The following NOX4 variants were observed in gnomAD, a reference collection of about 807,000 sequenced individuals.
The protein encoded by NOX4 is NADPH oxidase 4, also known as kidney oxidase-1.
NOX4 carries 69 observed loss-of-function variants against 87.6 expected under a neutral mutation model. The observed-to-expected ratio is 0.79, with a 90% confidence interval of 0.65 to 0.96. The LOEUF (loss-of-function observed/expected upper bound fraction) is 0.96, where lower values mean the gene tolerates loss of function less well. Among genes scored for constraint, NOX4 ranks in the 40% least tolerant of loss-of-function variants. The pLI is 0.00. For synonymous variants in NOX4, 275 were observed against 238.2 expected (o/e 1.15, Z -1.42); for missense variants, 680 against 681.5 (o/e 1.00, Z 0.02).
At chr11:89,367,368 G>A (rs548994348) in intron 12 of NOX4, among the ~76,000 whole-genome samples, 10 of 152,038 alleles carry the variant, frequency 6.6e-5, no homozygotes, top group African/African-American at 2.4e-4. Context: ...TTTAGCAATA[G>A]GCCCATTTGC....
At chr11:89,550,966 T>C in the NOX4 span, among the ~76,000 whole-genome samples, 1,104 of 152,286 alleles carry the variant, frequency 7.2e-3, 15 homozygotes, top group African/African-American at 0.024. Context: ...TTGTATAAGG[T>C]ATAAAGAAGG....
chr11:89,424,009 G>A (rs1259670930), intron 7 of NOX4, among the ~76,000 whole-genome samples: 2 of 152,002 alleles, frequency 1.3e-5, no homozygotes, highest in African/African-American at 4.8e-5. Flanking sequence ...CAAGGTTGCG[G>A]CTGCATTGAG....
the NOX4 span, among the ~76,000 whole-genome samples, chr11:89,504,141 G>A: frequency 6.6e-6 from 1 of 151,802 alleles, no homozygotes; most frequent in East Asian, 1.9e-4. Context: ...AGGAGGAGTG[G>A]TAGCAGAAGG....
At chr11:89,472,757 G>A (rs10830276) in intron 2 of NOX4, among the ~76,000 whole-genome samples, 14,018 of 152,214 alleles carry the variant, frequency 0.092, 807 homozygotes, top group South Asian at 0.2. Context: ...CTCTGTGCCT[G>A]TCTGGCAAAG....
chr11:89,444,348 C>A, intron 4 of NOX4, 116 bp from the exon 5 acceptor site: 10 of 732,004 alleles, frequency 1.4e-5, no homozygotes, highest in East Asian at 2.8e-5. Context: ...GCTATGTGGA[C>A]AATGAAATAT....
intron 17 of NOX4, among the ~76,000 whole-genome samples, chr11:89,335,249 C>T (rs1945651632): frequency 6.6e-6 from 1 of 151,718 alleles, no homozygotes; most frequent in Admixed American, 6.6e-5. Context: ...CTGGTCTGTG[C>T]CCTGAAATGG....
At chr11:89,489,887 A>T (rs542990361) in intron 2 of NOX4, among the ~76,000 whole-genome samples, 1 of 152,292 alleles carries the variant, frequency 6.6e-6, no homozygotes, top group South Asian at 2.1e-4. Context: ...AGAAAGAAAA[A>T]TATTAACATA....
At chr11:89,582,704 G>C in the NOX4 span, among the ~76,000 whole-genome samples, 1 of 152,206 alleles carries the variant, frequency 6.6e-6, no homozygotes, top group Non-Finnish European at 1.5e-5. Flanking sequence ...CCTGCTTAAA[G>C]TTTAACGTTG....
chr11:89,581,940 G>A, the NOX4 span, among the ~76,000 whole-genome samples: 1 of 151,908 alleles, frequency 6.6e-6, no homozygotes, highest in African/African-American at 2.4e-5. Context: ...TTAACCACAG[G>A]CCATACACTG....
the NOX4 span, among the ~76,000 whole-genome samples, chr11:89,511,673 C>A: frequency 1.3e-5 from 2 of 151,898 alleles, no homozygotes; most frequent in East Asian, 1.9e-4. Context: ...ACTCTTGAAG[C>A]CAAAGTGGAA....
At chr11:89,488,779 C>A in intron 2 of NOX4, 1 of 457,464 alleles carries the variant, frequency 2.2e-6, no homozygotes, top group South Asian at 5.1e-5. Context: ...GAAAAACGTC[C>A]TATTCATTAA....
the NOX4 span, among the ~76,000 whole-genome samples, chr11:89,570,268 C>T: frequency 6.6e-6 from 1 of 152,114 alleles, no homozygotes; most frequent in Non-Finnish European, 1.5e-5. Context: ...AAACCAAACA[C>T]CACATGTTCT....
chr11:89,551,166 A>G, the NOX4 span, among the ~76,000 whole-genome samples: 1 of 152,118 alleles, frequency 6.6e-6, no homozygotes, highest in Non-Finnish European at 1.5e-5. Flanking sequence ...TACCCATACC[A>G]TTCTGTTTTG....
chr11:89,371,949 T>C (rs1040881229), intron 12 of NOX4, among the ~76,000 whole-genome samples: 2 of 151,966 alleles, frequency 1.3e-5, no homozygotes, highest in African/African-American at 4.8e-5. Context: ...AATTCCAAGC[T>C]GGCTACCCTT....
upstream of NOX4, among the ~76,000 whole-genome samples, chr11:89,502,773 C>A (rs1947036001): frequency 6.6e-6 from 1 of 152,046 alleles, no homozygotes; most frequent in Non-Finnish European, 1.5e-5. Context: ...ATTGATAATT[C>A]AGGGAATATA....
At chr11:89,382,945 C>T (rs1940404117) in intron 11 of NOX4, among the ~76,000 whole-genome samples, 1 of 152,094 alleles carries the variant, frequency 6.6e-6, no homozygotes, top group East Asian at 1.9e-4. Context: ...CATTTGGCCA[C>T]AATTCTTAGA....
chr11:89,545,209 T>C, the NOX4 span: 20 of 152,294 alleles, frequency 1.3e-4, no homozygotes, highest in African/African-American at 4.8e-4. Flanking sequence ...TATCAGATGC[T>C]AGGCATTTAG....
At chr11:89,404,497 T>C (rs1942056696) in intron 8 of NOX4, among the ~76,000 whole-genome samples, 1 of 152,166 alleles carries the variant, frequency 6.6e-6, no homozygotes, top group Non-Finnish European at 1.5e-5. Flanking sequence ...GGTAGTGTTT[T>C]AATAATAGCT....
intron 8 of NOX4, among the ~76,000 whole-genome samples, chr11:89,403,107 T>C (rs1308872463): frequency 6.6e-6 from 1 of 152,142 alleles, no homozygotes; most frequent in Non-Finnish European, 1.5e-5. Flanking sequence ...TACTTTTCAA[T>C]TTCTCCATAG....
Sources: allele counts gnomAD v4.1 joint callset (sites outside exome capture counted in the v4.1 genomes callset), GRCh38; gene constraint gnomAD v4.1.1; transcripts MANE v1.5; gene names NCBI Gene and HGNC (gene_info 2026-07-23, HGNC 2026-07-21).